Variants in CCDC14 observed in about 807,000 individuals in gnomAD.
CCDC14 encodes the protein coiled-coil domain-containing protein 14.
A neutral mutation model predicts 81.4 loss-of-function variants in CCDC14; 71 were observed. That is an observed-to-expected ratio of 0.87 (90% CI 0.72 to 1.06). The LOEUF (loss-of-function observed/expected upper bound fraction) is 1.06. CCDC14 is among the 50% of genes least tolerant of loss of function. The pLI is 0.00. For synonymous variants in CCDC14, 332 were observed against 364.8 expected (o/e 0.91, Z 1.03); for missense variants, 1,046 against 1,047.3 (o/e 1.00, Z 0.02).
intron 3 of CCDC14, 58 bp downstream of exon 3, chr3:123,956,297 T>C: frequency 1.5e-6 from 2 of 1,361,586 alleles, no homozygotes; most frequent in Non-Finnish European, 1.0e-6. Flanking sequence ...ATTCCTACTT[T>C]TTAGCTACTA....
Position 123,903,297 on chromosome 3 carries a change from AACACACACAC to A in CCDC14, c.668-5694_668-5685del, listed in dbSNP as rs57466490. 9.4e-3 allele frequency among the ~76,000 whole-genome samples: 1,363 copies of A among 144,274 alleles called. 13 individuals are homozygous for A. Among genetic ancestry groups the A allele is most frequent in the African/African-American group, 0.028 (1,057 of 38,182 alleles). 94.6% of individuals were successfully genotyped at this position (144,274 alleles called of 152,430 possible). A position where few individuals can be genotyped will look rare whatever the true frequency, so the allele number is the denominator to read the frequency against. Reference sequence around the variant, plus strand: ...CCATAATAAAAAGTATTATTTTTCAAACACACACACACACACACACACACACACACACACA... The same window carrying A: ...CCATAATAAAAAGTATTATTTTTCAAACACACACACACACACACACACACA... On this transcript the variant is annotated intron_variant, in intron 5 of 5. Transcript: ENST00000479903.
At chr3:123,939,473 G>C (rs1273298889) in intron 9 of CCDC14, among the ~76,000 whole-genome samples, 4 of 145,214 alleles carry the variant, frequency 2.8e-5, no homozygotes, top group African/African-American at 1.0e-4. Context: ...TAGAGATAGG[G>C]TCTTGCTCTG....
downstream of CCDC14, among the ~76,000 whole-genome samples, chr3:123,911,595 G>T (rs545842050): frequency 7.9e-5 from 12 of 152,184 alleles, no homozygotes; most frequent in South Asian, 2.3e-3. Flanking sequence ...TTTCTTCACA[G>T]AACTGACTAT....
rs1395904025 is a variant in CCDC14, at chr3:123,913,885, C to T, written c.*894G>A. On this transcript the variant is annotated 3_prime_UTR_variant, in exon 13 of 13. Coordinates refer to ENST00000409697, the MANE Select transcript of CCDC14 (RefSeq NM_001366335.1). ...GGGAGATGATACTGAGCTAAGAAGT[C>T]CTGGTATAGAGAAGCAGAGAGACCA... 1 of 985,112 alleles carries T rather than the reference C, an allele frequency of 1.0e-6. No individual in the cohort carries two copies. Among genetic ancestry groups the T allele is most frequent in the East Asian group, 1.1e-4 (1 of 8,818 alleles). The allele number at this position is 985,112 out of a possible 1,614,324, so 61.0% of individuals were successfully genotyped here.
Position 123,920,363 on chromosome 3 carries a change from C to A in CCDC14, c.1779-4645G>T, listed in dbSNP as rs553803487. 2.0e-5 allele frequency among the ~76,000 whole-genome samples: 3 copies of A among 152,240 alleles called. No homozygotes were observed. The East Asian group carries it at 5.8e-4, about 29-fold the overall frequency. On this transcript the variant is annotated intron_variant, in intron 12 of 12. Coordinates refer to ENST00000409697, the MANE Select transcript of CCDC14 (RefSeq NM_001366335.1). ...AATAATGGCTGAAAATTCTCCAAAT[C>A]TAGGGAAAGACACCAATATTCAGGT...
rs570255868 is a variant in CCDC14 at position 123,907,314 on chromosome 3, T to C, written c.668-9701A>G. Among the ~76,000 whole-genome samples, 3 of 152,306 alleles carry C rather than the reference T, an allele frequency of 2.0e-5. No individual in the cohort carries two copies. The South Asian group carries it at 6.2e-4, about 32-fold the overall frequency. The stretch of plus-strand genomic sequence containing the variant: ...TATGCATTAATTTGTTTGGTGTTCA[T>C]TCTTCCACTTGGGAATAGGCACCTA... On this transcript the variant is annotated intron_variant, in intron 5 of 5. Transcript: ENST00000479903.
At chr3:123,904,889 T>C (rs2034271265) in intron 5 of CCDC14, among the ~76,000 whole-genome samples, 1 of 152,122 alleles carries the variant, frequency 6.6e-6, no homozygotes. Flanking sequence ...GGCCCAAGCA[T>C]AGACAAAGAC....
rs185308800 is a variant in CCDC14 at position 123,947,859 on chromosome 3, T to C, written c.685-540A>G. ...ATTAATTATAAGAAACTCAAATATATGGTTACTACTCCTAACCATATAGTA... is the reference window on the plus strand; with the variant it reads ...ATTAATTATAAGAAACTCAAATATACGGTTACTACTCCTAACCATATAGTA... On this transcript the variant is annotated intron_variant, in intron 7 of 12. Transcript: ENST00000409697. 3.2e-4 allele frequency among the ~76,000 whole-genome samples: 49 copies of C among 152,164 alleles called. No individual in the cohort carries two copies. In the East Asian group the frequency reaches 9.1e-3, roughly 28 times the overall value.
intron 12 of CCDC14, among the ~76,000 whole-genome samples, chr3:123,918,956 C>A (rs909691594): frequency 1.3e-5 from 2 of 152,160 alleles, no homozygotes; most frequent in African/African-American, 4.8e-5. Flanking sequence ...AACCCTTAAG[C>A]AGAGTCTCAA....
Position 123,956,133 on chromosome 3 carries a change from A to G in CCDC14, c.160-18T>C. On this transcript the variant is annotated intron_variant, in intron 3 of 12. Transcript: ENST00000409697. ...GTTTCAGCCTGTAAGAAATAAAGTC[A>G]TTTAGAATACATTTGTATATGACTG... 6.5e-7 allele frequency: 1 copy of G among 1,533,050 alleles called. No individual in the cohort carries two copies. The highest frequency in any genetic ancestry group is 8.8e-7 in the Non-Finnish European group (1 of 1,139,484). 95.0% of individuals were successfully genotyped at this position (1,533,050 alleles called of 1,614,324 possible). A position where few individuals can be genotyped will look rare whatever the true frequency, so the allele number is the denominator to read the frequency against.
At chr3:123,897,923 C>T (rs1227501574) in intron 5 of CCDC14, among the ~76,000 whole-genome samples, 1 of 152,148 alleles carries the variant, frequency 6.6e-6, no homozygotes, top group Non-Finnish European at 1.5e-5. Context: ...TAAAGTAAAT[C>T]TGGAGATATT....
intron 12 of CCDC14, among the ~76,000 whole-genome samples, chr3:123,923,383 G>A (rs535139936): frequency 2.6e-5 from 4 of 152,010 alleles, no homozygotes; most frequent in Non-Finnish European, 4.4e-5. Flanking sequence ...AGGTAAGAAG[G>A]CCCACTCTCA....
intron 9 of CCDC14, among the ~76,000 whole-genome samples, chr3:123,943,882 C>G (rs1701917254): frequency 6.6e-6 from 1 of 152,138 alleles, no homozygotes; most frequent in Non-Finnish European, 1.5e-5. Context: ...TTTATAATAT[C>G]CTTTATAATA....
intron 9 of CCDC14, among the ~76,000 whole-genome samples, chr3:123,936,568 T>C (rs2036068267): frequency 6.6e-6 from 1 of 152,166 alleles, no homozygotes; most frequent in African/African-American, 2.4e-5. Flanking sequence ...GCTATCATCC[T>C]TAGTAAACTA....
At chr3:123,913,317 T>C (rs2034489996), downstream of CCDC14, 1 of 916,916 alleles carries the variant, frequency 1.1e-6, no homozygotes, top group African/African-American at 1.8e-5. Flanking sequence ...CATATAAGGA[T>C]GGCTGTTCCA....
chr3:123,929,424 T>C (rs2035578136), intron 12 of CCDC14, among the ~76,000 whole-genome samples: 1 of 152,028 alleles, frequency 6.6e-6, no homozygotes, highest in Admixed American at 6.6e-5. Flanking sequence ...CACTTCTGCC[T>C]CTCGAGTAGC....
At chr3:123,956,010 G>T in intron 4 of CCDC14, 36 bp downstream of exon 4, 1 of 1,530,078 alleles carries the variant, frequency 6.5e-7, no homozygotes, top group Non-Finnish European at 8.8e-7. Context: ...AATGACTTGA[G>T]ATAAGGTGAT....
downstream of CCDC14, among the ~76,000 whole-genome samples, chr3:123,896,336 C>CT (rs142989250): frequency 2.6e-3 from 389 of 152,300 alleles, 2 homozygotes; most frequent in African/African-American, 9.0e-3. Flanking sequence ...TGACCTTGGA[C>CT]TTCTCAGCTT....
At position 123,914,533 on chromosome 3, in the gene CCDC14, A is replaced by G. The variant is rs1265392941; in HGVS notation, c.*246T>C. ...AACTCTAATTGCTAAGTACTGAAAT[A>G]AAACATTACTTACAATAATTTCCTA... On this transcript the variant is annotated 3_prime_UTR_variant, in exon 13 of 13. Transcript: ENST00000409697. The G allele has an allele frequency of 2.6e-6, 3 of 1,152,038 alleles. No homozygotes were observed. The highest frequency in any genetic ancestry group is 9.7e-5 in the East Asian group (2 of 20,724). 71.4% of individuals were successfully genotyped at this position (1,152,038 alleles called of 1,614,324 possible).
Sources: allele counts gnomAD v4.1 joint callset (sites outside exome capture counted in the v4.1 genomes callset), GRCh38; gene constraint gnomAD v4.1.1; transcripts MANE v1.5; gene names NCBI Gene and HGNC (gene_info 2026-07-23, HGNC 2026-07-21).